The following ANTXR1 variants were observed in gnomAD, a reference collection of about 807,000 sequenced individuals.
ANTXR1 encodes ANTXR cell adhesion molecule 1, also known as anthrax toxin receptor 1.
Under a neutral mutation model 78.1 loss-of-function variants are expected in ANTXR1, and 19 were observed. That is an observed-to-expected ratio of 0.24 (90% CI 0.17 to 0.36). ANTXR1 has a LOEUF of 0.36. Ranked by LOEUF, ANTXR1 falls within the 10% of genes least tolerant of loss-of-function variation. The probability of loss-of-function intolerance (pLI) is 1.00; values close to 1 mark genes in which losing one functional copy is unlikely to be tolerated. For synonymous variants in ANTXR1, 273 were observed against 260.5 expected, an observed-to-expected ratio of 1.05 and a Z score of -0.46; for missense variants, 518 against 718.6, an observed-to-expected ratio of 0.72 and a Z score of 3.19.
At chr2:69,207,474 G>GA (rs898441506) in intron 17 of ANTXR1, among the ~76,000 whole-genome samples, 84 of 152,232 alleles carry the variant, frequency 5.5e-4, no homozygotes, top group Non-Finnish European at 1.1e-3. Context: ...CGAAGAGAGA[G>GA]AAAAAGAGAG....
rs373028185 is a variant in ANTXR1, at chr2:69,126,462, T to C, written c.951+1819T>C. Among the ~76,000 whole-genome samples, 7 of 152,304 alleles carry C rather than the reference T, an allele frequency of 4.6e-5. No homozygotes were observed. In the East Asian group the frequency reaches 1.4e-3, roughly 29 times the overall value. ...TCAAGTGTATCCTGCCTGATCCTGT[T>C]GAAAATTGACCCTTCTGGGACCTGC... is the stretch of plus-strand genomic sequence containing the variant. On this transcript the variant is annotated intron_variant, in intron 12 of 17. Transcript: ENST00000303714.
At position 69,213,761 on chromosome 2, in the gene ANTXR1, G is replaced by A. The variant is rs114998134; in HGVS notation, c.1434+20346G>A. Among the ~76,000 whole-genome samples the A allele has an allele frequency of 9.1e-3, 1,389 of 152,318 alleles. 23 individuals are homozygous for A. The highest frequency in any genetic ancestry group is 0.032 in the African/African-American group (1,320 of 41,546). ...TGCAGAAATTCCATTTCAGAGTGTC[G>A]GGGCAACACCTAAGTCAGTCTCCCA... On this transcript the variant is annotated intron_variant, in intron 17 of 17. Transcript: ENST00000303714.
At position 69,216,830 on chromosome 2, in the gene ANTXR1, A is replaced by C. The variant is rs34212857; in HGVS notation, c.1434+23415A>C. 6.7e-4 allele frequency among the ~76,000 whole-genome samples: 102 copies of C among 152,346 alleles called. No individual in the cohort carries two copies. In the East Asian group the frequency reaches 0.018, roughly 27 times the overall value. Reference sequence around the variant, plus strand: ...TAATACTACCAACAAATATTTACTCAGTTCTTCCTACATTCTTGACCCGTG... The same window carrying C: ...TAATACTACCAACAAATATTTACTCCGTTCTTCCTACATTCTTGACCCGTG... On this transcript the variant is annotated intron_variant, in intron 17 of 17. Coordinates refer to ENST00000303714, the MANE Select transcript of ANTXR1 (RefSeq NM_032208.3).
At chr2:69,174,638 G>C (rs745820635) in intron 14 of ANTXR1, among the ~76,000 whole-genome samples, 48 of 151,516 alleles carry the variant, frequency 3.2e-4, no homozygotes, top group Non-Finnish European at 4.9e-4. Context: ...AAAAAAAAGA[G>C]AGAGAGAGAG....
chr2:69,198,946 C>T (rs1674716872), intron 17 of ANTXR1, among the ~76,000 whole-genome samples: 1 of 152,200 alleles, frequency 6.6e-6, no homozygotes, highest in Non-Finnish European at 1.5e-5. Context: ...TACTCTGGGC[C>T]ATCCCATTGA....
intron 8 of ANTXR1, among the ~76,000 whole-genome samples, chr2:69,082,888 C>A (rs1670939495): frequency 6.6e-6 from 1 of 152,210 alleles, no homozygotes; most frequent in South Asian, 2.1e-4. Context: ...GAGCTTTCTG[C>A]ATGTTTGATC....
intron 15 of ANTXR1, 38 bp downstream of exon 15, chr2:69,181,919 G>A: frequency 6.2e-7 from 1 of 1,603,012 alleles, no homozygotes; most frequent in Non-Finnish European, 8.5e-7. Context: ...TCTATGTGCT[G>A]ACTACTCCCA....
At chr2:69,214,835 T>C (rs1462737265) in intron 17 of ANTXR1, among the ~76,000 whole-genome samples, 3 of 152,246 alleles carry the variant, frequency 2.0e-5, no homozygotes, top group Non-Finnish European at 2.9e-5. Flanking sequence ...TCTTTTGGGA[T>C]CTTCCTTCCA....
chr2:69,149,977 T>C (rs1338819723), intron 12 of ANTXR1, among the ~76,000 whole-genome samples: 1 of 152,186 alleles, frequency 6.6e-6, no homozygotes, highest in African/African-American at 2.4e-5. Context: ...CTGTGCTCTC[T>C]TCCCTCCCCC....
In ANTXR1 at chr2:69,027,814, C is replaced by CA. The variant is rs551034885; in HGVS notation, c.153-12216dup. Among the ~76,000 whole-genome samples, 368 of 100,414 alleles carry CA rather than the reference C, an allele frequency of 3.7e-3. 1 individual carries two copies. Among genetic ancestry groups the CA allele is most frequent in the South Asian group, 6.2e-3 (19 of 3,076 alleles). The allele number at this position is 100,414 out of a possible 152,430, so 65.9% of individuals were successfully genotyped here. ...TATTCATGGAAAGCATTTTCAGTAG[C>CA]AAAAAAAAAAAAAAGGTCAATTGTG... On this transcript the variant is annotated intron_variant, in intron 1 of 17. Transcript: ENST00000303714.
intron 17 of ANTXR1, among the ~76,000 whole-genome samples, chr2:69,231,701 C>T (rs1675601995): frequency 6.6e-6 from 1 of 152,136 alleles, no homozygotes; most frequent in Admixed American, 6.6e-5. Context: ...TTGGACATCC[C>T]AGAGGGCTTC....
intron 3 of ANTXR1, among the ~76,000 whole-genome samples, chr2:69,066,010 T>G (rs1274755687): frequency 6.6e-6 from 1 of 152,146 alleles, no homozygotes; most frequent in Non-Finnish European, 1.5e-5. Context: ...ATACCAGGTG[T>G]AAACTAGATC....
chr2:69,082,205 A>G (rs1461130908), intron 8 of ANTXR1, among the ~76,000 whole-genome samples: 1 of 152,166 alleles, frequency 6.6e-6, no homozygotes, highest in African/African-American at 2.4e-5. Context: ...CCAGGTAGAG[A>G]CCACCTCCAG....
chr2:69,031,262 C>A (rs970275731), intron 1 of ANTXR1, among the ~76,000 whole-genome samples: 1 of 152,182 alleles, frequency 6.6e-6, no homozygotes, highest in Non-Finnish European at 1.5e-5. Context: ...CCTCTCATTT[C>A]AAAGGGCCTG....
At chr2:69,042,645 C>T (rs576279520) in intron 2 of ANTXR1, among the ~76,000 whole-genome samples, 7 of 152,280 alleles carry the variant, frequency 4.6e-5, no homozygotes, top group Non-Finnish European at 8.8e-5. Flanking sequence ...CCCTATTTCT[C>T]TACTAGTTTC....
intron 14 of ANTXR1, among the ~76,000 whole-genome samples, chr2:69,180,832 C>T (rs1341691178): frequency 3.9e-5 from 6 of 152,128 alleles, no homozygotes; most frequent in African/African-American, 7.2e-5. Context: ...GAAGAGACCG[C>T]GGCTACTTTA....
intron 12 of ANTXR1, among the ~76,000 whole-genome samples, chr2:69,137,783 C>CA (rs1277649788): frequency 0.054 from 4,719 of 86,930 alleles, 143 homozygotes; most frequent in East Asian, 0.16. Context: ...GACCCTGTCT[C>CA]AAAAAAAAAA....
intron 10 of ANTXR1, among the ~76,000 whole-genome samples, chr2:69,120,299 T>G (rs931976846): frequency 2.0e-5 from 3 of 152,220 alleles, no homozygotes; most frequent in African/African-American, 7.2e-5. Flanking sequence ...AGTCACAGTA[T>G]TGTTTAAGTC....
In ANTXR1 at chr2:69,135,958, A is replaced by G. The variant is rs1672898605; in HGVS notation, c.951+11315A>G. 3.3e-5 allele frequency among the ~76,000 whole-genome samples: 5 copies of G among 152,208 alleles called. No homozygotes were observed. The South Asian group carries it at 1.0e-3, about 31-fold the overall frequency. ...GTTGCGTACAATGAAGACTTATGCA[A>G]CTATAAGACTAATGACAAAAATATC... On this transcript the variant is annotated intron_variant, in intron 12 of 17. Coordinates refer to ENST00000303714, the MANE Select transcript of ANTXR1 (RefSeq NM_032208.3).
Sources: allele counts gnomAD v4.1 joint callset (sites outside exome capture counted in the v4.1 genomes callset), GRCh38; gene constraint gnomAD v4.1.1; transcripts MANE v1.5; gene names NCBI Gene and HGNC (gene_info 2026-07-23, HGNC 2026-07-21).